The following NXPE2 variants were observed in gnomAD, a reference collection of about 807,000 sequenced individuals.
The protein encoded by NXPE2 is neurexophilin and PC-esterase domain family member 2, also known as NXPE family member 2.
NXPE2 carries 34 observed loss-of-function variants against 34.4 expected under a neutral mutation model. That is an observed-to-expected ratio of 0.99 (90% CI 0.75 to 1.31). The LOEUF (loss-of-function observed/expected upper bound fraction) is 1.31. NXPE2 is among the 40% of genes most tolerant of loss of function. The probability of loss-of-function intolerance (pLI) is 0.00; values close to 1 mark genes in which losing one functional copy is unlikely to be tolerated. For synonymous variants in NXPE2, 235 were observed against 231.3 expected (o/e 1.02, Z -0.15); for missense variants, 649 against 672.5 (o/e 0.97, Z 0.39).
the NXPE2 span, among the ~76,000 whole-genome samples, chr11:114,631,344 TA>T: frequency 2.0e-5 from 3 of 151,670 alleles, no homozygotes; most frequent in African/African-American, 7.3e-5. Flanking sequence ...TATGCAGCCA[TA>T]AAAAATGATG....
the NXPE2 span, among the ~76,000 whole-genome samples, chr11:114,729,571 G>A: frequency 3.3e-5 from 5 of 151,884 alleles, no homozygotes; most frequent in African/African-American, 1.2e-4. Context: ...TGCCAGCATC[G>A]GTTGCTTTTT....
At chr11:114,791,525 T>C in the NXPE2 span, among the ~76,000 whole-genome samples, 1 of 152,158 alleles carries the variant, frequency 6.6e-6, no homozygotes, top group Non-Finnish European at 1.5e-5. Flanking sequence ...GGTCATGCCC[T>C]TTCAAGATAT....
At chr11:114,621,920 A>T in the NXPE2 span, among the ~76,000 whole-genome samples, 2 of 152,140 alleles carry the variant, frequency 1.3e-5, no homozygotes, top group Non-Finnish European at 2.9e-5. Flanking sequence ...CCTGGTGGAT[A>T]AGTATTGCCT....
the NXPE2 span, among the ~76,000 whole-genome samples, chr11:114,780,894 C>T: frequency 1.3e-5 from 2 of 152,090 alleles, no homozygotes; most frequent in African/African-American, 4.8e-5. Flanking sequence ...AGCCTAAGGG[C>T]GATCCAGGGG....
At chr11:114,568,826 T>C in the NXPE2 span, among the ~76,000 whole-genome samples, 6 of 152,242 alleles carry the variant, frequency 3.9e-5, no homozygotes, top group Admixed American at 6.5e-5. Flanking sequence ...CATATGACTT[T>C]ATCATGAACT....
chr11:114,807,192 C>T, the NXPE2 span, among the ~76,000 whole-genome samples: 981 of 149,540 alleles, frequency 6.6e-3, 7 homozygotes, highest in African/African-American at 0.023. Context: ...CTGAAGGAAG[C>T]ACTAAACATG....
the NXPE2 span, among the ~76,000 whole-genome samples, chr11:114,786,274 T>C: frequency 6.6e-6 from 1 of 152,244 alleles, no homozygotes; most frequent in African/African-American, 2.4e-5. Flanking sequence ...AATCTCTCAT[T>C]GTACAGATGA....
the NXPE2 span, among the ~76,000 whole-genome samples, chr11:114,774,782 G>T: frequency 6.6e-6 from 1 of 152,158 alleles, no homozygotes; most frequent in African/African-American, 2.4e-5. Flanking sequence ...GCAAGGCGTG[G>T]AGAGAAGCCT....
At chr11:114,761,561 CTTTTTTTTTTTT>C in the NXPE2 span, among the ~76,000 whole-genome samples, 1 of 92,792 alleles carries the variant, frequency 1.1e-5, no homozygotes, top group East Asian at 3.4e-4. Flanking sequence ...AGCCAAGCCT[CTTTTTTTTTTTT>C]TTTTTTTTTT....
At chr11:114,536,497 G>GT in the NXPE2 span, among the ~76,000 whole-genome samples, 1 of 152,094 alleles carries the variant, frequency 6.6e-6, no homozygotes, top group African/African-American at 2.4e-5. Flanking sequence ...CCAGGAGCTG[G>GT]TTTTTTGAAA....
chr11:114,690,405 GAATGCTA>G lies in NXPE2; in HGVS notation c.133-7637_133-7631del, dbSNP rs561376294. Among the ~76,000 whole-genome samples the G allele has an allele frequency of 1.1e-3, 164 of 152,236 alleles. 1 individual carries two copies. The highest frequency in any genetic ancestry group is 1.6e-3 in the Non-Finnish European group (108 of 67,990). On this transcript the variant is annotated intron_variant, in intron 2 of 5. Transcript: ENST00000389586. Reference sequence around the variant, plus strand: ...CTTGGCTAGCATTTCTTTTCTTTAAGAATGCTAAAAATGGAACCTCTGTCTCTTCTGG... The same window carrying G: ...CTTGGCTAGCATTTCTTTTCTTTAAGAAAATGGAACCTCTGTCTCTTCTGG...
chr11:114,771,722 A>G, the NXPE2 span, among the ~76,000 whole-genome samples: 70 of 152,242 alleles, frequency 4.6e-4, no homozygotes, highest in Middle Eastern at 3.4e-3. Context: ...CTCCCTCTCA[A>G]TGGCATCCAT....
the NXPE2 span, among the ~76,000 whole-genome samples, chr11:114,652,553 T>C: frequency 2.0e-5 from 3 of 152,218 alleles, no homozygotes; most frequent in African/African-American, 4.8e-5. Flanking sequence ...AAAGAGATGG[T>C]CCATGTAAAA....
chr11:114,611,470 G>A, the NXPE2 span, among the ~76,000 whole-genome samples: 1 of 151,780 alleles, frequency 6.6e-6, no homozygotes, highest in Admixed American at 6.6e-5. Flanking sequence ...TTGCCTCGTG[G>A]GTAACCACTG....
the NXPE2 span, among the ~76,000 whole-genome samples, chr11:114,726,324 A>G: frequency 6.6e-6 from 1 of 152,082 alleles, no homozygotes; most frequent in South Asian, 2.1e-4. Flanking sequence ...TAGTTTGACT[A>G]TAATATGCTT....
At chr11:114,602,116 TTA>T in the NXPE2 span, among the ~76,000 whole-genome samples, 5 of 101,538 alleles carry the variant, frequency 4.9e-5, no homozygotes, top group African/African-American at 8.2e-5. Context: ...ATATATATAA[TTA>T]TATATATTAT....
At chr11:114,688,434 G>T (rs556983755) in intron 2 of NXPE2, among the ~76,000 whole-genome samples, 1 of 152,044 alleles carries the variant, frequency 6.6e-6, no homozygotes, top group East Asian at 1.9e-4. Flanking sequence ...CTGGAATAAA[G>T]CCCACTTAAT....
the NXPE2 span, among the ~76,000 whole-genome samples, chr11:114,521,464 C>T: frequency 6.6e-6 from 1 of 152,160 alleles, no homozygotes; most frequent in East Asian, 1.9e-4. Context: ...TCTGGCATAA[C>T]AAGATGTCCA....
At chr11:114,491,364 CT>C in the NXPE2 span, among the ~76,000 whole-genome samples, 1 of 151,956 alleles carries the variant, frequency 6.6e-6, no homozygotes, top group African/African-American at 2.4e-5. Context: ...TGAACAGACA[CT>C]TCTCAAATGA....
Sources: gnomAD v4.1 joint callset for allele counts (sites outside exome capture counted in the v4.1 genomes callset) on GRCh38, gnomAD v4.1.1 for gene constraint, MANE v1.5 for transcripts, NCBI Gene and HGNC (gene_info 2026-07-23, HGNC 2026-07-21) for gene names.